Variants in MACF1 observed in about 807,000 individuals in gnomAD.
The protein encoded by MACF1 is microtubule-actin cross-linking factor 1.
In MACF1, 193 loss-of-function variants were observed where a neutral mutation model predicts 854.8. That is an observed-to-expected ratio of 0.23 (90% CI 0.20 to 0.25). MACF1 has a LOEUF of 0.25. Ranked by LOEUF, MACF1 falls within the 10% of genes least tolerant of loss-of-function variation. The probability of loss-of-function intolerance (pLI) is 1.00; values close to 1 mark genes in which losing one functional copy is unlikely to be tolerated. For synonymous variants in MACF1, 3,185 were observed against 3,226.7 expected (o/e 0.99, Z 0.44); for missense variants, 7,722 against 8,929.1 (o/e 0.86, Z 5.45).
At chr1:39,473,550 A>G (rs145167468) in intron 97 of MACF1, among the ~76,000 whole-genome samples, 1,581 of 152,334 alleles carry the variant, frequency 0.01, 32 homozygotes, top group African/African-American at 0.035. Context: ...CCGGTCACAC[A>G]GCGAGAGAGT....
intron 15 of MACF1, among the ~76,000 whole-genome samples, chr1:39,291,231 C>G (rs1214266581): frequency 2.6e-5 from 4 of 152,298 alleles, no homozygotes; most frequent in African/African-American, 9.6e-5. Flanking sequence ...CCTGCCTCAG[C>G]CCCCCAAAGT....
intron 2 of MACF1, among the ~76,000 whole-genome samples, chr1:39,248,290 A>T (rs1288781133): frequency 6.6e-6 from 1 of 151,846 alleles, no homozygotes; most frequent in East Asian, 1.9e-4. Context: ...TTCCATTCTT[A>T]TCCTACTTTC....
chr1:39,186,214 CTGTGTGTGTGTGTGTGTGTG>C lies in MACF1; in HGVS notation c.221-44954_221-44935del, dbSNP rs200739487. ...TCTCTCTCTCTCTCTCTCTCTCTCT[CTGTGTGTGTGTGTGTGTGTG>C]TGTGTGTGTGTGTTTTGGTGGGGGG... On this transcript the variant is annotated intron_variant, in intron 2 of 93. Coordinates refer to the MACF1 transcript ENST00000361689. 1.6e-4 allele frequency among the ~76,000 whole-genome samples: 9 copies of C among 57,934 alleles called. 1 individual carries two copies. The East Asian group carries it at 3.9e-3, about 25-fold the overall frequency. The allele number at this position is 57,934 out of a possible 152,430, so 38.0% of individuals were successfully genotyped here.
intron 1 of MACF1, among the ~76,000 whole-genome samples, chr1:39,229,861 C>A (rs1644759161): frequency 6.6e-6 from 1 of 152,176 alleles, no homozygotes; most frequent in African/African-American, 2.4e-5. Context: ...CCTCCCACCT[C>A]AGCCTCTTGA....
intron 4 of MACF1, 45 bp downstream of exon 4, chr1:39,251,986 C>T: frequency 7.7e-7 from 1 of 1,302,980 alleles, no homozygotes; most frequent in Non-Finnish European, 1.0e-6. Context: ...GCACTGCTGG[C>T]ACTGCAGGGC....
chr1:39,329,138 T>C (rs1173011677), intron 36 of MACF1, among the ~76,000 whole-genome samples: 4 of 152,232 alleles, frequency 2.6e-5, no homozygotes, highest in Non-Finnish European at 5.9e-5. Context: ...AATATATATG[T>C]TTAAATTATA....
intron 1 of MACF1, among the ~76,000 whole-genome samples, chr1:39,222,139 C>A (rs1644660711): frequency 6.6e-6 from 1 of 152,022 alleles, no homozygotes; most frequent in Admixed American, 6.6e-5. Flanking sequence ...AAAAAAATTT[C>A]TTTTTGAGAC....
At chr1:39,321,902 T>A (rs2148453789) in intron 31 of MACF1, among the ~76,000 whole-genome samples, 1 of 152,340 alleles carries the variant, frequency 6.6e-6, no homozygotes, top group Non-Finnish European at 1.5e-5. Context: ...TTAGAAAAAG[T>A]ATTCTGGTGG....
Position 39,388,388 on chromosome 1 carries a change from G to A in MACF1, c.15546G>A (p.Glu5182=). Residue 5182 remains glutamate, a synonymous_variant, in exon 58 of 101, where the codon GAG becomes GAA. Transcript: ENST00000564288. Reference sequence around the variant, plus strand: ...TAGACATAGAGGCCTCTGAAGCAGAGTGTCGACATATGCTAGAAGAAGAGG... The same window carrying A: ...TAGACATAGAGGCCTCTGAAGCAGAATGTCGACATATGCTAGAAGAAGAGG... The part of the protein sequence containing the change: ...LKLDIEASEA[E]CRHMLEEEGT... 2 of 1,614,152 alleles carry A rather than the reference G, an allele frequency of 1.2e-6. No individual in the cohort carries two copies. Among genetic ancestry groups the A allele is most frequent in the South Asian group, 2.2e-5 (2 of 91,076 alleles).
chr1:39,450,984 G>A (rs988915714), intron 84 of MACF1, 68 bp from the exon 85 acceptor site: 27 of 1,534,192 alleles, frequency 1.8e-5, no homozygotes, highest in African/African-American at 6.8e-5. Context: ...CCCTTTCAGC[G>A]AGGCAGAATT....
intron 97 of MACF1, 21 bp from the exon 98 acceptor site, chr1:39,479,777 G>C: frequency 6.3e-7 from 1 of 1,599,612 alleles, no homozygotes; most frequent in Non-Finnish European, 8.6e-7. Context: ...GACATTGTGT[G>C]TGTGTTTATT....
At chr1:39,146,681 A>T (rs1236238991) in intron 2 of MACF1, among the ~76,000 whole-genome samples, 1 of 151,928 alleles carries the variant, frequency 6.6e-6, no homozygotes, top group Non-Finnish European at 1.5e-5. Flanking sequence ...GAGTAGAAAG[A>T]TGGTTACCAG....
intron 2 of MACF1, among the ~76,000 whole-genome samples, chr1:39,240,752 G>T (rs1462242244): frequency 1.3e-5 from 2 of 152,148 alleles, no homozygotes; most frequent in Admixed American, 1.3e-4. Context: ...GCCCATCTTG[G>T]CCTCCTAAAG....
At chr1:39,410,317 C>G in intron 58 of MACF1, 2 of 1,612,456 alleles carry the variant, frequency 1.2e-6, no homozygotes, top group Non-Finnish European at 1.7e-6. Flanking sequence ...CCCCAGCTGC[C>G]TGGGGAAAGG....
rs1169720992 is a variant in MACF1 at position 39,105,636 on chromosome 1, G to A, written c.220+21198G>A. On this transcript the variant is annotated intron_variant, in intron 2 of 93. Coordinates refer to the MACF1 transcript ENST00000361689. The surrounding 1 kb of genome is among the most constrained non-coding windows in gnomAD (Gnocchi z 5.9). ...GGTGCGGGCGGCCATGGCCGGCTAC[G>A]TGCCGGGTCAGCAGCCGGCCAACCG... 3 of 1,232,112 alleles carry A rather than the reference G, an allele frequency of 2.4e-6. No homozygotes were observed. The highest frequency in any genetic ancestry group is 2.1e-6 in the Non-Finnish European group (2 of 960,610). The allele number at this position is 1,232,112 out of a possible 1,614,324, so 76.3% of individuals were successfully genotyped here.
intron 36 of MACF1, chr1:39,328,663 A>T (rs553257940): frequency 6.6e-6 from 1 of 152,190 alleles, no homozygotes; most frequent in African/African-American, 2.4e-5. Flanking sequence ...GCTGCTCCAT[A>T]AGGCTCTATC....
intron 36 of MACF1, 110 bp downstream of exon 36, chr1:39,327,463 T>A: frequency 8.4e-7 from 1 of 1,187,264 alleles, no homozygotes; most frequent in Non-Finnish European, 1.2e-6. Context: ...CCAATGTGAC[T>A]TAATTTTTAA....
In MACF1 at chr1:39,250,029, A is replaced by T. The variant is rs1443184632; in HGVS notation, c.187A>T (p.Asn63Tyr). Residue 63 changes from asparagine to tyrosine, a missense_variant, in exon 3 of 101, where the codon AAT (asparagine) becomes TAT (tyrosine). Around this residue, in one of 15 missense-constraint regions of MACF1, gnomAD observed 82 missense variants for 84.0 expected, o/e 0.98. Transcript: ENST00000564288. ...KHLMKVRKHI[N>Y]DLYEDLRDGH... The stretch of plus-strand genomic sequence containing the variant: ...TCATTCACAGGTCCGCAAGCACATC[A>T]ATGATCTTTATGAAGATCTGCGGGA... 1 of 1,611,284 alleles carries T rather than the reference A, an allele frequency of 6.2e-7. No homozygotes were observed. Among genetic ancestry groups the T allele is most frequent in the Non-Finnish European group, 8.5e-7 (1 of 1,177,894 alleles).
intron 90 of MACF1, 144 bp downstream of exon 90, chr1:39,458,634 A>G (rs891256019): frequency 2.6e-5 from 27 of 1,026,140 alleles, no homozygotes; most frequent in Non-Finnish European, 3.5e-5. Context: ...TTTGAAACTC[A>G]CTTTTCTTAC....
Sources: allele counts gnomAD v4.1 joint callset (sites outside exome capture counted in the v4.1 genomes callset), GRCh38; gene constraint gnomAD v4.1.1; regional missense constraint gnomAD v4.1.1; non-coding constraint Gnocchi (gnomAD v3.1); transcripts MANE v1.5; gene names NCBI Gene and HGNC (gene_info 2026-07-23, HGNC 2026-07-21).